The following TBC1D19 variants were observed in gnomAD, a reference collection of about 807,000 sequenced individuals.
TBC1D19 encodes the protein TBC1 domain family member 19, also known as TBC1 domain family, member 19.
A neutral mutation model predicts 89.0 loss-of-function variants in TBC1D19; 60 were observed. The observed-to-expected ratio is 0.67, with a 90% CI of 0.55 to 0.84. The LOEUF is 0.84. Ranked by LOEUF, TBC1D19 falls within the 40% of genes least tolerant of loss-of-function variation. The pLI is 0.00. For missense variants in TBC1D19, 500 were observed against 610.8 expected, an observed-to-expected ratio of 0.82 and a Z score of 1.91; for synonymous variants, 189 against 199.7, an observed-to-expected ratio of 0.95 and a Z score of 0.45.
the TBC1D19 span, among the ~76,000 whole-genome samples, chr4:26,819,887 C>A: frequency 3.3e-5 from 5 of 152,190 alleles, no homozygotes; most frequent in African/African-American, 1.2e-4. Flanking sequence ...CCGTGCTTTC[C>A]CTTCCCTTGA....
chr4:26,643,773 C>G (rs907362332), intron 7 of TBC1D19, among the ~76,000 whole-genome samples: 1 of 152,150 alleles, frequency 6.6e-6, no homozygotes, highest in Non-Finnish European at 1.5e-5. Flanking sequence ...GAAATACAAA[C>G]TACCATCAGA....
intron 1 of TBC1D19, among the ~76,000 whole-genome samples, chr4:26,604,198 G>A (rs1740824797): frequency 7.2e-6 from 1 of 138,136 alleles, no homozygotes; most frequent in South Asian, 2.3e-4. Context: ...CTGTTACCCA[G>A]GCTGGAGTGC....
chr4:26,604,884 A>AAAT (rs148779244), intron 1 of TBC1D19, among the ~76,000 whole-genome samples: 5 of 149,712 alleles, frequency 3.3e-5, no homozygotes, highest in African/African-American at 7.4e-5. Context: ...AATCCATCTC[A>AAAT]AATAATAATA....
At chr4:26,584,492 T>G (rs1739294849) in intron 1 of TBC1D19, among the ~76,000 whole-genome samples, 200 bp downstream of exon 1, 1 of 152,154 alleles carries the variant, frequency 6.6e-6, no homozygotes, top group Admixed American at 6.5e-5. Context: ...CCCTGTCCGG[T>G]GCAAGCTGTG....
the TBC1D19 span, among the ~76,000 whole-genome samples, chr4:26,773,053 A>G: frequency 2.0e-5 from 3 of 152,180 alleles, no homozygotes; most frequent in Non-Finnish European, 4.4e-5. Flanking sequence ...TATCTTCCAC[A>G]GTGGTTGAAC....
chr4:26,740,042 A>G (rs1262645963), intron 17 of TBC1D19, 69 bp downstream of exon 17: 17 of 1,036,492 alleles, frequency 1.6e-5, no homozygotes, highest in Non-Finnish European at 2.3e-5. Context: ...CTGTTAAGAA[A>G]AAGTCTTCTA....
At chr4:26,717,300 T>C (rs1560494310) in intron 13 of TBC1D19, among the ~76,000 whole-genome samples, 1 of 152,066 alleles carries the variant, frequency 6.6e-6, no homozygotes, top group Non-Finnish European at 1.5e-5. Flanking sequence ...GGTCTTGGAC[T>C]GCTGCTCCCA....
At chr4:26,636,336 C>G (rs1743120339) in intron 4 of TBC1D19, among the ~76,000 whole-genome samples, 2 of 151,362 alleles carry the variant, frequency 1.3e-5, no homozygotes, top group African/African-American at 2.4e-5. Flanking sequence ...GATGATCAAA[C>G]CTAGGACTAT....
intron 11 of TBC1D19, among the ~76,000 whole-genome samples, chr4:26,678,256 G>T (rs1713010629): frequency 6.6e-6 from 1 of 152,248 alleles, no homozygotes; most frequent in Non-Finnish European, 1.5e-5. Flanking sequence ...TTAGCAAAGA[G>T]ACTGGCAGCA....
At chr4:26,827,037 A>G in the TBC1D19 span, among the ~76,000 whole-genome samples, 1 of 152,090 alleles carries the variant, frequency 6.6e-6, no homozygotes, top group African/African-American at 2.4e-5. Flanking sequence ...TAATGTGTTT[A>G]TTGAATCGTA....
intron 13 of TBC1D19, among the ~76,000 whole-genome samples, chr4:26,711,605 A>G (rs1326318883): frequency 6.6e-6 from 1 of 152,058 alleles, no homozygotes; most frequent in African/African-American, 2.4e-5. Context: ...CCGTATTAGC[A>G]TAGTTCAGAC....
chr4:26,825,923 C>T, the TBC1D19 span, among the ~76,000 whole-genome samples: 10 of 152,256 alleles, frequency 6.6e-5, no homozygotes, highest in East Asian at 9.6e-4. Flanking sequence ...CTAAGCTGGC[C>T]GGGCATGGTG....
At chr4:26,609,135 C>G (rs1741200552) in intron 1 of TBC1D19, among the ~76,000 whole-genome samples, 1 of 149,768 alleles carries the variant, frequency 6.7e-6, no homozygotes, top group African/African-American at 2.5e-5. Context: ...GTGCAGCACA[C>G]CAACATGGCA....
chr4:26,808,852 A>G, the TBC1D19 span, among the ~76,000 whole-genome samples: 1 of 152,282 alleles, frequency 6.6e-6, no homozygotes, highest in East Asian at 1.9e-4. Context: ...CATAGTAAAG[A>G]TGAATAATGT....
chr4:26,669,698 G>A (rs1232830224), intron 9 of TBC1D19, among the ~76,000 whole-genome samples: 1 of 151,572 alleles, frequency 6.6e-6, no homozygotes, highest in Non-Finnish European at 1.5e-5. Context: ...AATATCCTCT[G>A]CTTTTATTAG....
intron 15 of TBC1D19, among the ~76,000 whole-genome samples, chr4:26,729,452 G>A (rs1438968112): frequency 6.6e-6 from 1 of 152,212 alleles, no homozygotes; most frequent in East Asian, 1.9e-4. Flanking sequence ...ACAAAACAGA[G>A]TGAAATCATA....
chr4:26,786,205 C>T, the TBC1D19 span, among the ~76,000 whole-genome samples: 2 of 152,154 alleles, frequency 1.3e-5, no homozygotes, highest in Non-Finnish European at 2.9e-5. Context: ...GCTCCTGGGA[C>T]GTGGCTGCCC....
chr4:26,770,597 A>G, the TBC1D19 span, among the ~76,000 whole-genome samples: 1 of 152,038 alleles, frequency 6.6e-6, no homozygotes, highest in Non-Finnish European at 1.5e-5. Flanking sequence ...CAGAAGAACA[A>G]CATTATTAAC....
the TBC1D19 span, among the ~76,000 whole-genome samples, chr4:26,846,666 ATTTC>A: frequency 5.9e-5 from 9 of 152,148 alleles, no homozygotes; most frequent in Non-Finnish European, 1.3e-4. Context: ...TCAAGATTAT[ATTTC>A]TTTATCAAAT....
Sources: gnomAD v4.1 joint callset for allele counts (sites outside exome capture counted in the v4.1 genomes callset) on GRCh38, gnomAD v4.1.1 for gene constraint, MANE v1.5 for transcripts, NCBI Gene and HGNC (gene_info 2026-07-23, HGNC 2026-07-21) for gene names.